Variants in ZNF804A observed in about 807,000 individuals in gnomAD.
The protein encoded by ZNF804A is zinc finger protein 804A.
Under a neutral mutation model 16.5 loss-of-function variants are expected in ZNF804A, and 2 were observed. The ratio of observed to expected loss-of-function variants is 0.12; its 90% CI spans 0.05 to 0.38. The LOEUF (loss-of-function observed/expected upper bound fraction) is 0.38. Among genes scored for constraint, ZNF804A ranks in the 10% least tolerant of loss-of-function variants. ZNF804A has a pLI of 0.99. For synonymous variants in ZNF804A, 534 were observed against 489.6 expected (o/e 1.09, Z -1.20); for missense variants, 1,473 against 1,390.7 (o/e 1.06, Z -0.94).
At chr2:184,657,270 G>C (rs893538795) in intron 1 of ZNF804A, among the ~76,000 whole-genome samples, 3 of 152,116 alleles carry the variant, frequency 2.0e-5, no homozygotes, top group African/African-American at 7.2e-5. Flanking sequence ...ATTTTTGGTA[G>C]AGATGGGGTT....
At chr2:184,606,460 A>G (rs1417359990) in intron 1 of ZNF804A, among the ~76,000 whole-genome samples, 1 of 152,146 alleles carries the variant, frequency 6.6e-6, no homozygotes, top group African/African-American at 2.4e-5. Flanking sequence ...TCCCTCCCTC[A>G]ACACCTGGGG....
intron 1 of ZNF804A, among the ~76,000 whole-genome samples, chr2:184,838,790 T>C (rs1234346317): frequency 6.6e-6 from 1 of 152,016 alleles, no homozygotes; most frequent in Non-Finnish European, 1.5e-5. Context: ...TTATCTATAC[T>C]ATAGAAAAAA....
chr2:184,889,120 G>A (rs538774970), intron 2 of ZNF804A, among the ~76,000 whole-genome samples: 35 of 151,704 alleles, frequency 2.3e-4, no homozygotes, highest in African/African-American at 8.0e-4. Flanking sequence ...TAATAATCAT[G>A]TTAATGGATT....
At chr2:184,630,244 C>T (rs548233094) in intron 1 of ZNF804A, among the ~76,000 whole-genome samples, 9 of 152,144 alleles carry the variant, frequency 5.9e-5, no homozygotes, top group Admixed American at 1.3e-4. Context: ...AGATAAGATC[C>T]GAAAGATAAT....
At chr2:184,927,508 T>C (rs1435925205) in intron 2 of ZNF804A, among the ~76,000 whole-genome samples, 3 of 152,202 alleles carry the variant, frequency 2.0e-5, no homozygotes, top group Admixed American at 2.0e-4. Context: ...CTGGCTCCTC[T>C]TCACTCAAAG....
At chr2:184,711,240 C>T (rs1693120672) in intron 1 of ZNF804A, among the ~76,000 whole-genome samples, 1 of 151,558 alleles carries the variant, frequency 6.6e-6, no homozygotes, top group African/African-American at 2.4e-5. Context: ...TTTTGATTAG[C>T]TTTTATTTGA....
rs191995129 is a variant in ZNF804A, at chr2:184,804,851, G to A, written c.112-61518G>A. 5.3e-5 allele frequency among the ~76,000 whole-genome samples: 8 copies of A among 152,252 alleles called. No individual in the cohort carries two copies. In the East Asian group the frequency reaches 9.6e-4, roughly 18 times the overall value. ...AGAAAATCACCCTATAAATATAGCC[G>A]TACACTTCGCTAGGATTAGCTATAG... On this transcript the variant is annotated intron_variant, in intron 1 of 3. Transcript: ENST00000302277.
intron 2 of ZNF804A, among the ~76,000 whole-genome samples, chr2:184,919,739 A>G (rs1220102173): frequency 6.6e-6 from 1 of 152,154 alleles, no homozygotes; most frequent in Non-Finnish European, 1.5e-5. Flanking sequence ...CCTTCCAAAA[A>G]CAATGAACAA....
chr2:184,868,274 A>G (rs1293180611), intron 2 of ZNF804A, among the ~76,000 whole-genome samples: 1 of 152,090 alleles, frequency 6.6e-6, no homozygotes, highest in East Asian at 1.9e-4. Context: ...TAAAATCTAT[A>G]GAATCTTTTA....
intron 1 of ZNF804A, among the ~76,000 whole-genome samples, chr2:184,639,328 C>T (rs1691755036): frequency 6.6e-6 from 1 of 151,854 alleles, no homozygotes; most frequent in African/African-American, 2.4e-5. Flanking sequence ...CCCGCCTCGG[C>T]CTCCCAAAGT....
intron 1 of ZNF804A, among the ~76,000 whole-genome samples, chr2:184,667,434 A>G (rs1414062507): frequency 6.6e-6 from 1 of 151,866 alleles, no homozygotes; most frequent in African/African-American, 2.4e-5. Context: ...TATGTTAGGG[A>G]AAAATTATCA....
At chr2:184,815,628 A>G (rs1694971817) in intron 1 of ZNF804A, among the ~76,000 whole-genome samples, 1 of 152,010 alleles carries the variant, frequency 6.6e-6, no homozygotes, top group South Asian at 2.1e-4. Context: ...ATATCTATAA[A>G]GCAGTTTTAA....
At chr2:184,711,749 T>C (rs111830198) in intron 1 of ZNF804A, among the ~76,000 whole-genome samples, 2,182 of 151,874 alleles carry the variant, frequency 0.014, 61 homozygotes, top group African/African-American at 0.05. Flanking sequence ...CTTTCTCCTT[T>C]TTGTGTTATT....
intron 1 of ZNF804A, among the ~76,000 whole-genome samples, chr2:184,819,795 T>A (rs1192771204): frequency 6.6e-6 from 1 of 151,928 alleles, no homozygotes; most frequent in South Asian, 2.1e-4. Flanking sequence ...AACACCTCTA[T>A]GCACATAAAC....
At chr2:184,691,421 A>G (rs112348618) in intron 1 of ZNF804A, among the ~76,000 whole-genome samples, 18 of 151,716 alleles carry the variant, frequency 1.2e-4, no homozygotes, top group African/African-American at 3.4e-4. Flanking sequence ...TATTCTATAT[A>G]TATATATAGT....
chr2:184,936,004 A>G lies in ZNF804A; in HGVS notation c.608A>G (p.Gln203Arg). ...GCAAAAAATAACCAAGTTGGGGATC[A>G]AGCCCAGGGGATTCACAGACACAAA... is the stretch of plus-strand genomic sequence containing the variant. ...YTAKNNQVGD[Q>R]AQGIHRHKIG... is the part of the protein sequence containing the mutation. The change falls in exon 4 of 4, where the codon CAA becomes CGA. Residue 203 changes from glutamine (Q) to arginine (R), a missense_variant. Coordinates refer to ENST00000302277, the MANE Select transcript of ZNF804A (RefSeq NM_194250.2). 1 of 1,614,064 alleles carries G rather than the reference A, an allele frequency of 6.2e-7. No homozygotes were observed. The highest frequency in any genetic ancestry group is 8.5e-7 in the Non-Finnish European group (1 of 1,179,964).
intron 1 of ZNF804A, among the ~76,000 whole-genome samples, chr2:184,722,951 C>T (rs931298731): frequency 6.6e-6 from 1 of 151,928 alleles, no homozygotes; most frequent in African/African-American, 2.4e-5. Context: ...AACAGTGTTA[C>T]TTTGCCTAGG....
chr2:184,603,180 AAATTTATCGAGGTGCCTC>A (rs1691078071), intron 1 of ZNF804A, among the ~76,000 whole-genome samples: 1 of 152,168 alleles, frequency 6.6e-6, no homozygotes, highest in Non-Finnish European at 1.5e-5. Context: ...TAGTTCATTC[AAATTTATCGAGGTGCCTC>A]AATTACAAAG....
intron 1 of ZNF804A, among the ~76,000 whole-genome samples, chr2:184,776,775 C>T (rs1349246855): frequency 6.6e-6 from 1 of 151,498 alleles, no homozygotes; most frequent in African/African-American, 2.4e-5. Context: ...ACCTATTGGA[C>T]ATTAGCCAGT....
Sources: allele counts gnomAD v4.1 joint callset (sites outside exome capture counted in the v4.1 genomes callset), GRCh38; gene constraint gnomAD v4.1.1; transcripts MANE v1.5; gene names NCBI Gene and HGNC (gene_info 2026-07-23, HGNC 2026-07-21).